TNPO3: variants seen among roughly 807,000 people sequenced by gnomAD.
TNPO3 encodes the protein transportin-3.
Under a neutral mutation model 122.8 loss-of-function variants are expected in TNPO3, and 65 were observed. The ratio of observed to expected loss-of-function variants is 0.53; its 90% CI spans 0.43 to 0.65. The LOEUF (loss-of-function observed/expected upper bound fraction) is 0.65. TNPO3 is among the 30% of genes least tolerant of loss of function. TNPO3 has a pLI of 0.00. For missense variants in TNPO3, 850 were observed against 1,136.7 expected, an observed-to-expected ratio of 0.75 and a Z score of 3.63; for synonymous variants, 372 against 411.2, an observed-to-expected ratio of 0.90 and a Z score of 1.15.
Position 129,000,585 on chromosome 7 carries a change from A to G in TNPO3, c.873-18T>C. 6.2e-7 allele frequency: 1 copy of G among 1,605,058 alleles called. No homozygotes were observed. Among genetic ancestry groups the G allele is most frequent in the Non-Finnish European group, 8.5e-7 (1 of 1,175,148 alleles). On this transcript the variant is annotated intron_variant, in intron 6 of 22. Transcript: ENST00000265388. ...TCAGAACTCTGTAGAAGACAGGGGA[A>G]TGAGAACAATGAGTCAGAAATCTGG... is the stretch of plus-strand genomic sequence containing the variant.
At chr7:129,034,523 A>T (rs1271274929) in intron 1 of TNPO3, among the ~76,000 whole-genome samples, 1 of 152,038 alleles carries the variant, frequency 6.6e-6, no homozygotes, top group African/African-American at 2.4e-5. Flanking sequence ...AAAACAAAAC[A>T]AAAAAAGGTT....
chr7:129,020,096 C>A (rs1206981253), intron 1 of TNPO3, among the ~76,000 whole-genome samples: 12 of 152,028 alleles, frequency 7.9e-5, no homozygotes, highest in Admixed American at 7.9e-4. Flanking sequence ...TGAGCCCAAG[C>A]AACAGAGTAA....
intron 1 of TNPO3, among the ~76,000 whole-genome samples, chr7:129,019,644 T>G (rs1804236397): frequency 6.6e-6 from 1 of 152,092 alleles, no homozygotes; most frequent in East Asian, 1.9e-4. Flanking sequence ...AGCCCAGAAG[T>G]TTGACACTGG....
intron 21 of TNPO3, among the ~76,000 whole-genome samples, chr7:128,957,637 T>A (rs1031951812): frequency 1.9e-4 from 29 of 152,206 alleles, no homozygotes; most frequent in Non-Finnish European, 8.8e-5. Context: ...ATTATCTACT[T>A]CATAACACTG....
chr7:128,958,258 C>A (rs1797099784), intron 21 of TNPO3, among the ~76,000 whole-genome samples: 1 of 150,726 alleles, frequency 6.6e-6, no homozygotes. Flanking sequence ...ATTCTCCTGC[C>A]TCAGCCTCCC....
intron 11 of TNPO3, 54 bp from the exon 12 acceptor site, chr7:128,986,974 T>G: frequency 2.6e-6 from 4 of 1,521,486 alleles, no homozygotes; most frequent in Non-Finnish European, 3.5e-6. Flanking sequence ...GGAAAACTTC[T>G]AGTTTATTAA....
intron 21 of TNPO3, among the ~76,000 whole-genome samples, chr7:128,958,356 G>T (rs1797112034): frequency 1.3e-5 from 2 of 151,960 alleles, no homozygotes; most frequent in Non-Finnish European, 2.9e-5. Flanking sequence ...TGTTGGCCAG[G>T]CTGGTCTCGA....
intron 4 of TNPO3, among the ~76,000 whole-genome samples, chr7:129,009,394 G>C (rs1802936269): frequency 6.6e-6 from 1 of 152,202 alleles, no homozygotes; most frequent in Admixed American, 6.5e-5. Flanking sequence ...GAGGGGTTTG[G>C]AACCTGGCAT....
At chr7:129,030,848 C>A (rs966400624) in intron 1 of TNPO3, among the ~76,000 whole-genome samples, 4 of 152,064 alleles carry the variant, frequency 2.6e-5, no homozygotes, top group African/African-American at 9.7e-5. Context: ...TCAAGAGTGC[C>A]CCTTGGCTGC....
intron 1 of TNPO3, among the ~76,000 whole-genome samples, chr7:129,036,862 G>A (rs1584589116): frequency 6.6e-6 from 1 of 152,038 alleles, no homozygotes; most frequent in Non-Finnish European, 1.5e-5. Flanking sequence ...ATTAGAAAAG[G>A]CCAAACAGCA....
At chr7:129,027,584 A>AAAAAAAAAG (rs1805377721) in intron 1 of TNPO3, among the ~76,000 whole-genome samples, 1 of 136,494 alleles carries the variant, frequency 7.3e-6, no homozygotes, top group Non-Finnish European at 1.6e-5. Context: ...AAAAAAAAAA[A>AAAAAAAAAG]AAAAAAACAA....
rs756447187 is a variant in TNPO3, at chr7:128,975,807, T to C, written c.2178+12A>G. ...AGGCCTGATGCGTCTACACTCCTCA[T>C]GGAAAAGATACCTGGAGCATGTCTA... On this transcript the variant is annotated intron_variant, in intron 17 of 22. Transcript: ENST00000265388. 2.5e-6 allele frequency: 4 copies of C among 1,577,290 alleles called. No homozygotes were observed. The highest frequency in any genetic ancestry group is 2.6e-6 in the Non-Finnish European group (3 of 1,146,564).
upstream of TNPO3, chr7:129,056,077 A>C: frequency 8.6e-7 from 1 of 1,161,378 alleles, no homozygotes; most frequent in Non-Finnish European, 1.3e-6. Flanking sequence ...GGGCGGAAGA[A>C]ATGTCTGGGG....
rs372516574 is a variant in TNPO3, at chr7:129,003,807, TAG to T, written c.696+1207_696+1208del. Among the ~76,000 whole-genome samples, 260 of 152,282 alleles carry T rather than the reference TAG, an allele frequency of 1.7e-3. 3 individuals carry two copies. Among genetic ancestry groups the T allele is most frequent in the African/African-American group, 5.7e-3 (237 of 41,550 alleles). On this transcript the variant is annotated intron_variant, in intron 5 of 22. Coordinates refer to ENST00000265388, the MANE Select transcript of TNPO3 (RefSeq NM_012470.4). ...CAGAGGAGTCCTGACACTGGATCAG[TAG>T]AGGAGATAATATAATCCTGGAACAC...
chr7:129,038,395 G>A (rs1273699221), intron 1 of TNPO3, among the ~76,000 whole-genome samples: 1 of 152,180 alleles, frequency 6.6e-6, no homozygotes, highest in African/African-American at 2.4e-5. Context: ...GTGTAAACTA[G>A]TTCAGCCATT....
intron 6 of TNPO3, among the ~76,000 whole-genome samples, 160 bp from the exon 7 acceptor site, chr7:129,000,727 C>T (rs565393769): frequency 2.2e-4 from 34 of 152,266 alleles, no homozygotes; most frequent in African/African-American, 7.7e-4. Flanking sequence ...GACACCTTTA[C>T]CTAGATCGTA....
At chr7:128,984,538 C>T (rs1004370563) in intron 12 of TNPO3, among the ~76,000 whole-genome samples, 1 of 152,208 alleles carries the variant, frequency 6.6e-6, no homozygotes, top group Admixed American at 6.5e-5. Flanking sequence ...AATGGCAAAG[C>T]TATTTTAAAA....
At chr7:129,011,965 G>T (rs1490244193) in intron 4 of TNPO3, among the ~76,000 whole-genome samples, 5 of 150,018 alleles carry the variant, frequency 3.3e-5, no homozygotes, top group South Asian at 2.1e-4. Context: ...TAACTTAAAA[G>T]AATTATTTTT....
At chr7:129,037,317 G>A (rs1806802003) in intron 1 of TNPO3, among the ~76,000 whole-genome samples, 1 of 152,106 alleles carries the variant, frequency 6.6e-6, no homozygotes, top group African/African-American at 2.4e-5. Flanking sequence ...TGAGGTCTTA[G>A]GGCAACCAAG....
Sources: allele counts gnomAD v4.1 joint callset (sites outside exome capture counted in the v4.1 genomes callset), GRCh38; gene constraint gnomAD v4.1.1; transcripts MANE v1.5; gene names NCBI Gene and HGNC (gene_info 2026-07-23, HGNC 2026-07-21).